Variants in AKAP7 observed in about 807,000 individuals in gnomAD.
AKAP7 encodes A kinase (PRKA) anchor protein 7.
AKAP7 carries 39 observed loss-of-function variants against 39.5 expected under a neutral mutation model. That is an observed-to-expected ratio of 0.99 (90% CI 0.76 to 1.29). The LOEUF (loss-of-function observed/expected upper bound fraction) is 1.29. Ranked by LOEUF, AKAP7 falls within the 50% of genes most tolerant of loss-of-function variation. The pLI is 0.00. For missense variants in AKAP7, 414 were observed against 407.7 expected (o/e 1.02, Z -0.13); for synonymous variants, 140 against 139.1 (o/e 1.01, Z -0.05).
chr6:131,229,496 C>A (rs1319604941), intron 7 of AKAP7, among the ~76,000 whole-genome samples: 2 of 152,006 alleles, frequency 1.3e-5, no homozygotes, highest in Non-Finnish European at 2.9e-5. Flanking sequence ...TTACAGGTGC[C>A]TACCACAGTA....
intron 2 of AKAP7, among the ~76,000 whole-genome samples, chr6:131,154,593 C>T (rs1436922458): frequency 6.6e-6 from 1 of 151,156 alleles, no homozygotes; most frequent in African/African-American, 2.4e-5. Context: ...TGAGGTAGAT[C>T]CCAGACATAT....
the AKAP7 span, among the ~76,000 whole-genome samples, chr6:131,129,094 C>T: frequency 2.6e-5 from 4 of 151,972 alleles, no homozygotes; most frequent in Admixed American, 2.0e-4. Flanking sequence ...CGGGACCAGC[C>T]TAGCCAACAT....
At chr6:131,186,324 C>A (rs1805854302) in intron 5 of AKAP7, among the ~76,000 whole-genome samples, 1 of 152,170 alleles carries the variant, frequency 6.6e-6, no homozygotes, top group African/African-American at 2.4e-5. Flanking sequence ...TGTAAGCTTC[C>A]TGAGGCCTCC....
chr6:131,146,783 T>C (rs1043307294), intron 2 of AKAP7, among the ~76,000 whole-genome samples: 28 of 152,204 alleles, frequency 1.8e-4, no homozygotes, highest in African/African-American at 6.3e-4. Context: ...GTAAATTAAA[T>C]TCACACGGTG....
At chr6:131,247,888 C>G (rs1480225780) in intron 7 of AKAP7, among the ~76,000 whole-genome samples, 3 of 152,302 alleles carry the variant, frequency 2.0e-5, no homozygotes, top group East Asian at 1.9e-4. Context: ...CCTTGGCCCC[C>G]CAAAGTGCTG....
At chr6:131,274,336 AT>A (rs1179940136) in intron 7 of AKAP7, among the ~76,000 whole-genome samples, 1 of 152,070 alleles carries the variant, frequency 6.6e-6, no homozygotes, top group Non-Finnish European at 1.5e-5. Flanking sequence ...TTATTTCTGC[AT>A]TCGTTTTCTG....
intron 2 of AKAP7, among the ~76,000 whole-genome samples, chr6:131,158,593 A>C (rs991662023): frequency 2.6e-5 from 4 of 152,126 alleles, no homozygotes; most frequent in African/African-American, 9.6e-5. Context: ...CTGCAACCTC[A>C]GCCTCCTGGG....
In AKAP7 at chr6:131,245,289, G is replaced by A. The variant is rs531285268; in HGVS notation, c.850+25481G>A. On this transcript the variant is annotated intron_variant, in intron 7 of 7. Transcript: ENST00000431975. ...GAGATGGAGTCTCACACTGTTGCCCGGGCTGGAGTGCAGTAGTGCAACTCG... is the reference window on the plus strand; with the variant it reads ...GAGATGGAGTCTCACACTGTTGCCCAGGCTGGAGTGCAGTAGTGCAACTCG... Among the ~76,000 whole-genome samples the A allele has an allele frequency of 1.5e-3, 223 of 147,784 alleles. 1 individual carries two copies. The highest frequency in any genetic ancestry group is 3.2e-3 in the African/African-American group (129 of 40,078).
intron 7 of AKAP7, among the ~76,000 whole-genome samples, chr6:131,236,738 T>A (rs1435858983): frequency 1.3e-5 from 2 of 152,188 alleles, no homozygotes; most frequent in Admixed American, 1.3e-4. Context: ...ATGCTTGTAA[T>A]TTTTGCACAT....
intron 2 of AKAP7, among the ~76,000 whole-genome samples, chr6:131,148,480 C>G (rs377708725): frequency 6.7e-6 from 1 of 149,422 alleles, no homozygotes; most frequent in East Asian, 2.0e-4. Flanking sequence ...TTCCCCCCCC[C>G]GTTTATCTCA....
intron 7 of AKAP7, among the ~76,000 whole-genome samples, chr6:131,253,283 T>C (rs1000742650): frequency 1.2e-4 from 18 of 152,222 alleles, no homozygotes; most frequent in African/African-American, 4.1e-4. Flanking sequence ...GAGCCTAAGC[T>C]GTAGAAAGTT....
chr6:131,160,144 G>A lies in AKAP7; in HGVS notation c.237G>A (p.Lys79=). 1 of 1,611,864 alleles carries A rather than the reference G, an allele frequency of 6.2e-7. No individual in the cohort carries two copies. The highest frequency in any genetic ancestry group is 1.1e-5 in the South Asian group (1 of 90,578). ...ATCAAGTAAAGAAGAGGAAAAAAAA[G>A]AGAAAAGATTATCAACCCAACTATT... ...KSDQVKKRKK[K]RKDYQPNYFL... is the part of the protein sequence containing the mutation. Residue 79 remains lysine (K), a synonymous_variant, in exon 3 of 8, where the codon AAG becomes AAA. Transcript: ENST00000431975.
intron 5 of AKAP7, among the ~76,000 whole-genome samples, chr6:131,190,088 C>T (rs1019750183): frequency 1.3e-5 from 2 of 151,992 alleles, no homozygotes; most frequent in African/African-American, 4.8e-5. Flanking sequence ...TACCTAATAC[C>T]CTAAGCAATA....
intron 1 of AKAP7, among the ~76,000 whole-genome samples, chr6:131,141,899 C>CTTT (rs773131426): frequency 7.7e-5 from 9 of 116,224 alleles, no homozygotes; most frequent in Non-Finnish European, 7.5e-5. Context: ...TTCTTTCTTT[C>CTTT]TTTTTTTTTT....
At chr6:131,250,070 C>T in intron 7 of AKAP7, 1 of 719,012 alleles carries the variant, frequency 1.4e-6, no homozygotes, top group Non-Finnish European at 1.7e-6. Flanking sequence ...ATTCATAAAC[C>T]ACAATCTCCT....
chr6:131,254,501 T>C lies in AKAP7; in HGVS notation c.851-27029T>C, dbSNP rs1233005532. The stretch of plus-strand genomic sequence containing the variant: ...ATAACTATGTAGATACCTCTGTAAC[T>C]AATTAGAAAACATTTTATTTTCTCT... On this transcript the variant is annotated intron_variant, in intron 7 of 7. Coordinates refer to ENST00000431975, the MANE Select transcript of AKAP7 (RefSeq NM_016377.4). Among the ~76,000 whole-genome samples the C allele has an allele frequency of 5.1e-4, 78 of 152,244 alleles. 1 individual carries two copies.
At chr6:131,173,146 A>C (rs1391105710) in intron 5 of AKAP7, among the ~76,000 whole-genome samples, 1 of 150,858 alleles carries the variant, frequency 6.6e-6, no homozygotes, top group African/African-American at 2.4e-5. Context: ...GGTTGCAGTG[A>C]GCCGAGATCG....
rs1024859035 is a variant in AKAP7 at position 131,199,107 on chromosome 6, T to A, written c.590-354T>A. Among the ~76,000 whole-genome samples, 214 of 152,332 alleles carry A rather than the reference T, an allele frequency of 1.4e-3. 1 individual carries two copies. Among genetic ancestry groups the A allele is most frequent in the African/African-American group, 5.0e-3 (207 of 41,582 alleles). ...GCAGAAGTTTGAGATATGAAGGGTT[T>A]CAGATAAGCTAGTCCTTTTTTATAC... On this transcript the variant is annotated intron_variant, in intron 5 of 7. Transcript: ENST00000431975.
At chr6:131,213,865 T>C (rs552019676) in intron 6 of AKAP7, among the ~76,000 whole-genome samples, 1 of 152,242 alleles carries the variant, frequency 6.6e-6, no homozygotes, top group African/African-American at 2.4e-5. Flanking sequence ...GGCATTGCAG[T>C]GTTCTAGCGC....
Sources: gnomAD v4.1 joint callset for allele counts (sites outside exome capture counted in the v4.1 genomes callset) on GRCh38, gnomAD v4.1.1 for gene constraint, MANE v1.5 for transcripts, NCBI Gene and HGNC (gene_info 2026-07-23, HGNC 2026-07-21) for gene names.